Variants in C1QTNF3 observed in about 807,000 individuals in gnomAD.
The protein encoded by C1QTNF3 is C1q and TNF related 3, also known as complement C1q tumor necrosis factor-related protein 3.
Under a neutral mutation model 32.6 loss-of-function variants are expected in C1QTNF3, and 26 were observed. The ratio of observed to expected loss-of-function variants is 0.80; its 90% CI spans 0.58 to 1.11. The LOEUF (loss-of-function observed/expected upper bound fraction) is 1.11, where lower values mean the gene tolerates loss of function less well. Among genes scored for constraint, C1QTNF3 ranks in the 50% least tolerant of loss-of-function variants. The probability of loss-of-function intolerance (pLI) is 0.00; values close to 1 mark genes in which losing one functional copy is unlikely to be tolerated. For missense variants in C1QTNF3, 362 were observed against 398.2 expected (o/e 0.91, Z 0.77); for synonymous variants, 155 against 146.0 (o/e 1.06, Z -0.44).
chr5:34,159,205 C>T, the C1QTNF3 span, among the ~76,000 whole-genome samples: 1 of 151,900 alleles, frequency 6.6e-6, no homozygotes, highest in Non-Finnish European at 1.5e-5. Flanking sequence ...ATTTGAAATT[C>T]ATAAACCTAT....
the C1QTNF3 span, among the ~76,000 whole-genome samples, chr5:34,213,478 G>A: frequency 6.6e-6 from 1 of 151,632 alleles, no homozygotes; most frequent in African/African-American, 2.4e-5. Flanking sequence ...AGGTCTATAT[G>A]CTACATTTGG....
intron 4 of C1QTNF3, 67 bp from the exon 5 acceptor site, chr5:34,024,075 T>G: frequency 8.0e-7 from 1 of 1,250,948 alleles, no homozygotes; most frequent in Non-Finnish European, 1.2e-6. Context: ...TGGAGATACC[T>G]GGAGATTTGC....
the C1QTNF3 span, among the ~76,000 whole-genome samples, chr5:34,175,027 A>G: frequency 1.3e-5 from 2 of 150,170 alleles, no homozygotes; most frequent in East Asian, 2.0e-4. Context: ...GATTACAGGC[A>G]TGAGCCACCG....
rs1754845373 is a variant in C1QTNF3, at chr5:34,040,593, C to G, written c.303+2230G>C. Among the ~76,000 whole-genome samples, 3 of 152,172 alleles carry G rather than the reference C, an allele frequency of 2.0e-5. No homozygotes were observed. In the South Asian group the frequency reaches 6.2e-4, roughly 32 times the overall value. ...CACCATGAACCCACAGCTGGAGCAT[C>G]TTTCCAGACCATATATCTGATTACC... On this transcript the variant is annotated intron_variant, in intron 1 of 5. Coordinates refer to ENST00000382065, the MANE Select transcript of C1QTNF3 (RefSeq NM_181435.6).
the C1QTNF3 span, among the ~76,000 whole-genome samples, chr5:34,095,671 G>A: frequency 2.0e-5 from 3 of 151,100 alleles, no homozygotes; most frequent in East Asian, 3.9e-4. Flanking sequence ...GAACATAATC[G>A]ATACTTCTTG....
the C1QTNF3 span, among the ~76,000 whole-genome samples, chr5:34,153,846 T>TA: frequency 3.2e-4 from 20 of 62,646 alleles, no homozygotes; most frequent in African/African-American, 8.4e-4. Flanking sequence ...CCCTAAAACT[T>TA]AGAGTATAAA....
chr5:34,127,161 T>A, the C1QTNF3 span, among the ~76,000 whole-genome samples: 1 of 152,042 alleles, frequency 6.6e-6, no homozygotes, highest in East Asian at 1.9e-4. Flanking sequence ...AATGGACTAA[T>A]ACAGAAAGCT....
At chr5:34,227,391 T>C in the C1QTNF3 span, among the ~76,000 whole-genome samples, 1 of 152,026 alleles carries the variant, frequency 6.6e-6, no homozygotes, top group East Asian at 1.9e-4. Flanking sequence ...TACGTCTTGA[T>C]AAATTTTAAC....
rs1202184743 is a variant in C1QTNF3 at position 34,020,640 on chromosome 5, A to G, written c.903T>C (p.His301=). 1.5e-5 allele frequency: 25 copies of G among 1,614,128 alleles called. No homozygotes were observed. Among genetic ancestry groups the G allele is most frequent in the Non-Finnish European group, 2.0e-5 (24 of 1,180,034 alleles). The change falls in exon 6 of 6, where the codon CAT becomes CAC. Residue 301 remains histidine, a synonymous_variant. Transcript: ENST00000382065. ...VWLRMGNGAL[H]GDHQRFSTFA... ...AGGTGGAGAAGCGTTGGTGGTCCCCATGGAGAGCGCCATTGCCCATTCGCA... is the reference window on the plus strand; with the variant it reads ...AGGTGGAGAAGCGTTGGTGGTCCCCGTGGAGAGCGCCATTGCCCATTCGCA...
At chr5:34,234,103 T>C in the C1QTNF3 span, among the ~76,000 whole-genome samples, 1 of 152,134 alleles carries the variant, frequency 6.6e-6, no homozygotes. Context: ...AAATATCAGA[T>C]GACTTTTATT....
At chr5:34,133,112 G>C in the C1QTNF3 span, among the ~76,000 whole-genome samples, 2 of 152,158 alleles carry the variant, frequency 1.3e-5, no homozygotes, top group African/African-American at 4.8e-5. Context: ...CAGTGTGAAA[G>C]GACAGGGATC....
intron 5 of C1QTNF3, among the ~76,000 whole-genome samples, chr5:34,022,444 A>T (rs1754354323): frequency 1.3e-5 from 2 of 152,220 alleles, no homozygotes; most frequent in Admixed American, 6.5e-5. Flanking sequence ...AGAGAAAAAC[A>T]GCCAACAAAC....
the C1QTNF3 span, among the ~76,000 whole-genome samples, chr5:34,153,869 A>G: frequency 6.7e-6 from 1 of 150,120 alleles, no homozygotes; most frequent in African/African-American, 2.4e-5. Flanking sequence ...AAAAAAAAAA[A>G]AAAAAACAAA....
the C1QTNF3 span, among the ~76,000 whole-genome samples, chr5:34,233,913 T>C: frequency 6.6e-6 from 1 of 152,190 alleles, no homozygotes; most frequent in Non-Finnish European, 1.5e-5. Flanking sequence ...TGAAATTCAT[T>C]ACACATTTGG....
chr5:34,233,500 C>T, the C1QTNF3 span, among the ~76,000 whole-genome samples: 1 of 150,120 alleles, frequency 6.7e-6, no homozygotes, highest in Non-Finnish European at 1.5e-5. Context: ...ACCAGAAATG[C>T]TGTATCTCTC....
chr5:34,226,635 A>C, the C1QTNF3 span, among the ~76,000 whole-genome samples: 1 of 151,610 alleles, frequency 6.6e-6, no homozygotes, highest in East Asian at 1.9e-4. Flanking sequence ...GTTTAGGGGC[A>C]TCAAACCTCC....
the C1QTNF3 span, among the ~76,000 whole-genome samples, chr5:34,162,655 T>G: frequency 6.6e-6 from 1 of 152,176 alleles, no homozygotes; most frequent in Non-Finnish European, 1.5e-5. Flanking sequence ...GCTAAAATAT[T>G]ACAGAAATTT....
the C1QTNF3 span, among the ~76,000 whole-genome samples, chr5:34,064,620 G>A: frequency 3.9e-5 from 6 of 152,276 alleles, no homozygotes; most frequent in South Asian, 2.1e-4. Flanking sequence ...GGAGTGCAGC[G>A]GACACACTGC....
At position 34,019,813 on chromosome 5, in the gene C1QTNF3, C is replaced by G. The variant is rs542217125; in HGVS notation, c.*770G>C. 1 of 152,110 alleles carries G rather than the reference C, an allele frequency of 6.6e-6. No homozygotes were observed. The allele number at this position is 152,110 out of a possible 1,614,324, so 9.4% of individuals were successfully genotyped here. On this transcript the variant is annotated 3_prime_UTR_variant, in exon 6 of 6. Coordinates refer to ENST00000382065, the MANE Select transcript of C1QTNF3 (RefSeq NM_181435.6). ...AAGGTATTTATTAATAGTGTATGTT[C>G]TTCAGATATAAAATCCCTCTGGTCA...
Sources: gnomAD v4.1 joint callset for allele counts (sites outside exome capture counted in the v4.1 genomes callset) on GRCh38, gnomAD v4.1.1 for gene constraint, MANE v1.5 for transcripts, NCBI Gene and HGNC (gene_info 2026-07-23, HGNC 2026-07-21) for gene names.